The following PZP variants were observed in gnomAD, a reference collection of about 807,000 sequenced individuals.
PZP encodes the protein pregnancy zone protein.
A neutral mutation model predicts 179.8 loss-of-function variants in PZP; 150 were observed. The observed-to-expected ratio is 0.83, with a 90% CI of 0.73 to 0.96. The LOEUF is 0.96. Ranked by LOEUF, PZP falls within the 40% of genes least tolerant of loss-of-function variation. PZP has a pLI of 0.00. For synonymous variants in PZP, 624 were observed against 652.3 expected (o/e 0.96, Z 0.66); for missense variants, 1,689 against 1,764.0 (o/e 0.96, Z 0.76).
At chr12:9,145,761 T>C (rs1939977002), downstream of PZP, among the ~76,000 whole-genome samples, 1 of 152,210 alleles carries the variant, frequency 6.6e-6, no homozygotes, top group Non-Finnish European at 1.5e-5. Flanking sequence ...CTTTCGTTTG[T>C]CTGAGAAAGT....
chr12:9,142,003 T>G, the PZP span, among the ~76,000 whole-genome samples: 4 of 152,204 alleles, frequency 2.6e-5, no homozygotes, highest in Admixed American at 2.6e-4. Context: ...CTTGCATAAA[T>G]TCCCTTTTAT....
chr12:9,172,830 G>A (rs1942090254), intron 15 of PZP, among the ~76,000 whole-genome samples: 1 of 152,182 alleles, frequency 6.6e-6, no homozygotes, highest in Non-Finnish European at 1.5e-5. Flanking sequence ...CATAAAGCAA[G>A]TTCTTATATA....
intron 15 of PZP, among the ~76,000 whole-genome samples, chr12:9,179,610 T>C (rs1401381258): frequency 6.6e-6 from 1 of 152,188 alleles, no homozygotes; most frequent in Non-Finnish European, 1.5e-5. Flanking sequence ...CAGACATAAA[T>C]AGTTCGATCT....
At chr12:9,186,904 AC>A (rs2121043000) in intron 13 of PZP, among the ~76,000 whole-genome samples, 1 of 151,374 alleles carries the variant, frequency 6.6e-6, no homozygotes, top group Non-Finnish European at 1.5e-5. Flanking sequence ...AATATAGATG[AC>A]AGGCTGATGG....
chr12:9,173,471 A>T (rs1214000844), intron 15 of PZP, among the ~76,000 whole-genome samples: 1 of 152,240 alleles, frequency 6.6e-6, no homozygotes, highest in East Asian at 1.9e-4. Flanking sequence ...AATAGCAAAG[A>T]TCAAAGCTGA....
Position 9,202,622 on chromosome 12 carries a change from C to A in PZP, c.330G>T (p.Thr110=), listed in dbSNP as rs767650975. Residue 110 remains threonine, a synonymous_variant, in exon 3 of 36, where the codon ACG becomes ACT. Transcript: ENST00000261336. ...AFLSIQIKGP[T]QDFRKRNTVL... Reference sequence around the variant, plus strand: ...CTGTGTTCCTCTTCCTGAAATCTTGCGTAGGCCCCTTTATCTGGATGCTAA... The same window carrying A: ...CTGTGTTCCTCTTCCTGAAATCTTGAGTAGGCCCCTTTATCTGGATGCTAA... The A allele has an allele frequency of 1.2e-6, 2 of 1,614,052 alleles. No homozygotes were observed. Among genetic ancestry groups the A allele is most frequent in the South Asian group, 1.1e-5 (1 of 91,074 alleles).
Position 9,151,637 on chromosome 12 carries a change from C to A in PZP, c.4248G>T (p.Val1416=). 6.2e-7 allele frequency: 1 copy of A among 1,613,886 alleles called. No homozygotes were observed. Among genetic ancestry groups the A allele is most frequent in the Non-Finnish European group, 8.5e-7 (1 of 1,179,888 alleles). ...ERSSSVSRTE[V]SNNHVLIYVE... ...CATAAATGAGGACATGGTTGTTGCT[C>A]ACTTCTGTCCGGCTCACAGAGCTAG... Residue 1416 remains valine (V), a synonymous_variant, in exon 33 of 36, where the codon GTG becomes GTT. Coordinates refer to ENST00000261336, the MANE Select transcript of PZP (RefSeq NM_002864.3).
chr12:9,188,104 A>G (rs1268647916), intron 13 of PZP, among the ~76,000 whole-genome samples: 1 of 152,224 alleles, frequency 6.6e-6, no homozygotes, highest in Non-Finnish European at 1.5e-5. Flanking sequence ...TTCCTGATGA[A>G]CATTGATGCG....
intron 15 of PZP, 109 bp downstream of exon 15, chr12:9,180,874 T>C (rs1012392839): frequency 1.6e-6 from 2 of 1,215,982 alleles, no homozygotes; most frequent in Non-Finnish European, 2.2e-6. Flanking sequence ...ACCTACAAAA[T>C]GGGAGAAAAT....
At chr12:9,164,306 C>T (rs200853332) in intron 19 of PZP, 47 bp from the exon 20 acceptor site, 71 of 1,582,294 alleles carry the variant, frequency 4.5e-5, no homozygotes, top group Middle Eastern at 1.7e-4. Context: ...GAATATGGAA[C>T]GACACGAACA....
At chr12:9,200,058 A>G (rs1944063813) in intron 7 of PZP, among the ~76,000 whole-genome samples, 1 of 152,176 alleles carries the variant, frequency 6.6e-6, no homozygotes, top group Non-Finnish European at 1.5e-5. Context: ...ATGTCTCTGT[A>G]TTTTAGAGGT....
intron 26 of PZP, among the ~76,000 whole-genome samples, 197 bp downstream of exon 26, chr12:9,158,223 G>T (rs1012688733): frequency 2.0e-5 from 3 of 152,188 alleles, no homozygotes; most frequent in African/African-American, 7.2e-5. Context: ...CCAAAGTGCT[G>T]TGATTCTACG....
At chr12:9,164,349 G>A (rs1340279013) in intron 19 of PZP, 90 bp from the exon 20 acceptor site, 3 of 1,394,612 alleles carry the variant, frequency 2.2e-6, no homozygotes, top group African/African-American at 2.9e-5. Context: ...AGATGCTGCA[G>A]TAAATTGGGA....
At position 9,162,562 on chromosome 12, in the gene PZP, T is replaced by C. The variant is rs1311684535; in HGVS notation, c.2788+35A>G. 3 of 1,483,012 alleles carry C rather than the reference T, an allele frequency of 2.0e-6. No individual in the cohort carries two copies. In the African/African-American group the frequency reaches 4.2e-5, roughly 21 times the overall value. The allele number at this position is 1,483,012 out of a possible 1,614,324, so 91.9% of individuals were successfully genotyped here. ...TTGAGGTTTATACCCCTTTGTGGTT[T>C]TGATCTCACTATGATTATGAAGATG... On this transcript the variant is annotated intron_variant, in intron 22 of 35. Transcript: ENST00000261336.
At chr12:9,139,781 A>G in the PZP span, among the ~76,000 whole-genome samples, 3 of 152,356 alleles carry the variant, frequency 2.0e-5, no homozygotes, top group Admixed American at 6.5e-5. Flanking sequence ...GGAAAGAAAC[A>G]TGAAAAATGG....
At position 9,154,686 on chromosome 12, in the gene PZP, G is replaced by C. The variant is rs773566178; in HGVS notation, c.3704C>G (p.Thr1235Ser). ...CCACTTCACAATGTTAGTTGCAGAG[G>C]TCAGGTCCCCTGAGGTGGGGGCTGG... The part of the protein sequence containing the change: ...AQPAPTSGDL[T>S]SATNIVKWIM... The change falls in exon 29 of 36, where the codon ACC becomes AGC. Residue 1235 changes from threonine to serine, a missense_variant. By Grantham distance (58) the Thr-to-Ser change is moderately conservative. Coordinates refer to ENST00000261336, the MANE Select transcript of PZP (RefSeq NM_002864.3). 1 of 1,614,182 alleles carries C rather than the reference G, an allele frequency of 6.2e-7. No individual in the cohort carries two copies. Among genetic ancestry groups the C allele is most frequent in the East Asian group, 2.2e-5 (1 of 44,882 alleles).
chr12:9,158,707 G>T (rs1257729617), intron 25 of PZP, 131 bp from the exon 26 acceptor site: 3 of 809,158 alleles, frequency 3.7e-6, no homozygotes, highest in African/African-American at 3.6e-5. Flanking sequence ...AGAGTTTGGA[G>T]ACTTTTTCTT....
chr12:9,152,057 T>C (rs1940396093), intron 32 of PZP, among the ~76,000 whole-genome samples, 163 bp downstream of exon 32: 1 of 152,212 alleles, frequency 6.6e-6, no homozygotes, highest in Non-Finnish European at 1.5e-5. Context: ...CATATGTCCC[T>C]TAGCTTACGG....
chr12:9,160,441 C>A lies in PZP; in HGVS notation c.2922G>T (p.Met974Ile). 1 of 1,613,918 alleles carries A rather than the reference C, an allele frequency of 6.2e-7. No homozygotes were observed. Among genetic ancestry groups the A allele is most frequent in the Non-Finnish European group, 8.5e-7 (1 of 1,179,808 alleles). ...AMQNIQNLLQMPYGCGEQNMV... is the reference protein window; with the variant it reads ...AMQNIQNLLQIPYGCGEQNMV... Reference sequence around the variant, plus strand: ...TGTTCTGTTCTCCACAGCCATATGGCATCTGGAGGAGATTTTGTATATTTT... The same window carrying A: ...TGTTCTGTTCTCCACAGCCATATGGAATCTGGAGGAGATTTTGTATATTTT... Residue 974 changes from methionine to isoleucine, a missense_variant, in exon 24 of 36, where the codon ATG (methionine) becomes ATT (isoleucine). Around this residue, in one of 3 missense-constraint regions of PZP, gnomAD observed 746 missense variants for 749.2 expected, o/e 1.00. Transcript: ENST00000261336.
Sources: gnomAD v4.1 joint callset for allele counts (sites outside exome capture counted in the v4.1 genomes callset) on GRCh38, gnomAD v4.1.1 for gene constraint, gnomAD v4.1.1 regional missense constraint, MANE v1.5 for transcripts, NCBI Gene and HGNC (gene_info 2026-07-23, HGNC 2026-07-21) for gene names.